The following ZNF292 variants were observed in gnomAD, a reference collection of about 807,000 sequenced individuals.
The protein encoded by ZNF292 is 16 zinc-finger domain protein.
Under a neutral mutation model 217.9 loss-of-function variants are expected in ZNF292, and 26 were observed. The ratio of observed to expected loss-of-function variants is 0.12; its 90% CI spans 0.09 to 0.17. ZNF292 has a LOEUF of 0.17. ZNF292 is among the 10% of genes least tolerant of loss of function. The pLI is 1.00. For missense variants in ZNF292, 2,904 were observed against 3,175.2 expected, an observed-to-expected ratio of 0.91 and a Z score of 2.05; for synonymous variants, 1,257 against 1,124.1, an observed-to-expected ratio of 1.12 and a Z score of -2.37.
intron 1 of ZNF292, among the ~76,000 whole-genome samples, chr6:87,208,879 G>A (rs1174352874): frequency 1.3e-5 from 2 of 152,136 alleles, no homozygotes; most frequent in South Asian, 2.1e-4. Context: ...TGGAAAAAAG[G>A]GGCTTGCTGT....
At position 87,257,701 on chromosome 6, in the gene ZNF292, C is replaced by T. The variant is rs1775308825; in HGVS notation, c.4072C>T (p.Pro1358Ser). The T allele has an allele frequency of 6.2e-7, 1 of 1,612,990 alleles. No individual in the cohort carries two copies. Among genetic ancestry groups the T allele is most frequent in the Non-Finnish European group, 8.5e-7 (1 of 1,179,456 alleles). Residue 1358 changes from proline to serine, a missense_variant, in exon 8 of 8, where the codon CCT becomes TCT. Transcript: ENST00000369577. The stretch of plus-strand genomic sequence containing the variant: ...GGGCCCAAATGGGAAGGAAAGAAAA[C>T]CTAAGCACAACAAAAGGGCTAAATG... Reference protein sequence around the residue: ...GRGPNGKERKPKHNKRAKWPA... With the variant: ...GRGPNGKERKSKHNKRAKWPA...
intron 1 of ZNF292, among the ~76,000 whole-genome samples, chr6:87,206,224 T>C (rs940702153): frequency 6.6e-6 from 1 of 152,202 alleles, no homozygotes; most frequent in Non-Finnish European, 1.5e-5. Flanking sequence ...ACAGGTCACA[T>C]GGTTAGGAAA....
At chr6:87,163,781 G>A (rs1461475238) in intron 1 of ZNF292, among the ~76,000 whole-genome samples, 1 of 152,190 alleles carries the variant, frequency 6.6e-6, no homozygotes, top group Non-Finnish European at 1.5e-5. Flanking sequence ...CCAAAGAGAA[G>A]TGGGAGGGAT....
intron 4 of ZNF292, among the ~76,000 whole-genome samples, chr6:87,227,790 GAAT>G (rs1773431935): frequency 1.3e-5 from 2 of 152,140 alleles, no homozygotes; most frequent in Admixed American, 6.5e-5. Context: ...TTTTAATGCT[GAAT>G]AATATTCCAT....
intron 1 of ZNF292, among the ~76,000 whole-genome samples, chr6:87,183,991 A>G (rs915358969): frequency 2.6e-4 from 40 of 152,242 alleles, no homozygotes; most frequent in African/African-American, 9.6e-4. Context: ...ATGTAAAAAA[A>G]GGACATCTCC....
At chr6:87,199,768 CA>C (rs1399706453) in intron 1 of ZNF292, among the ~76,000 whole-genome samples, 1 of 152,084 alleles carries the variant, frequency 6.6e-6, no homozygotes, top group Non-Finnish European at 1.5e-5. Flanking sequence ...TCTTTTTCAT[CA>C]AAAAGTCACT....
Position 87,264,940 on chromosome 6 carries a change from C to T in ZNF292, c.*3139C>T, listed in dbSNP as rs1435622171. 6.6e-6 allele frequency among the ~76,000 whole-genome samples: 1 copy of T among 151,996 alleles called. No homozygotes were observed. The highest frequency in any genetic ancestry group is 1.5e-5 in the Non-Finnish European group (1 of 67,992). ...TGATGGGAGCCAGAAGAAAGGCTAACGAAGTTGGGGAAGAGACTAATGGAT... is the reference window on the plus strand; with the variant it reads ...TGATGGGAGCCAGAAGAAAGGCTAATGAAGTTGGGGAAGAGACTAATGGAT... On this transcript the variant is annotated 3_prime_UTR_variant, in exon 8 of 8. Coordinates refer to ENST00000369577, the MANE Select transcript of ZNF292 (RefSeq NM_015021.3).
intron 1 of ZNF292, among the ~76,000 whole-genome samples, chr6:87,202,435 G>A (rs781391947): frequency 6.6e-5 from 10 of 152,072 alleles, no homozygotes; most frequent in African/African-American, 9.7e-5. Context: ...AAGTTCTTAC[G>A]TGTGCATTGT....
intron 1 of ZNF292, among the ~76,000 whole-genome samples, chr6:87,193,665 A>G (rs372918741): frequency 6.6e-6 from 1 of 152,202 alleles, no homozygotes. Context: ...CCACACAAGC[A>G]CGCCCTCCGA....
intron 1 of ZNF292, among the ~76,000 whole-genome samples, chr6:87,160,449 G>A (rs895568577): frequency 1.3e-5 from 2 of 151,180 alleles, no homozygotes; most frequent in Non-Finnish European, 2.9e-5. Context: ...AATTACAGTC[G>A]TGTGTGTATG....
chr6:87,214,554 C>T (rs1461517779), intron 1 of ZNF292, among the ~76,000 whole-genome samples: 1 of 152,078 alleles, frequency 6.6e-6, no homozygotes, highest in Non-Finnish European at 1.5e-5. Flanking sequence ...TCCACTTCAA[C>T]TTTACTGAGA....
In ZNF292 at chr6:87,195,143, T is replaced by G. The variant is rs138803474; in HGVS notation, c.169-20760T>G. Among the ~76,000 whole-genome samples, 425 of 152,350 alleles carry G rather than the reference T, an allele frequency of 2.8e-3. 4 individuals carry two copies. Among genetic ancestry groups the G allele is most frequent in the African/African-American group, 8.4e-3 (351 of 41,594 alleles). ...TACAGATAGGCATCCCTGTTAGTAC[T>G]ATTTTTATTTAACATAGTGTTAGTA... On this transcript the variant is annotated intron_variant, in intron 1 of 7. Coordinates refer to ENST00000369577, the MANE Select transcript of ZNF292 (RefSeq NM_015021.3).
chr6:87,176,617 A>G (rs7757330), intron 1 of ZNF292, among the ~76,000 whole-genome samples: 57,199 of 151,934 alleles, frequency 0.38, 11,270 homozygotes, highest in Admixed American at 0.52. Flanking sequence ...TATCACCCTC[A>G]ATGTTTTCTT....
chr6:87,216,194 A>G, intron 2 of ZNF292, 105 bp from the exon 3 acceptor site: 1 of 1,320,232 alleles, frequency 7.6e-7, no homozygotes, highest in Non-Finnish European at 1.0e-6. Context: ...AATTTTAAAT[A>G]GATTAGTTAT....
chr6:87,195,295 T>C (rs1466637153), intron 1 of ZNF292, among the ~76,000 whole-genome samples: 1 of 152,226 alleles, frequency 6.6e-6, no homozygotes, highest in Non-Finnish European at 1.5e-5. Context: ...CAGAAAAGTA[T>C]ATTAGTAGAA....
Position 87,255,476 on chromosome 6 carries a change from C to G in ZNF292, c.1847C>G (p.Thr616Arg), listed in dbSNP as rs1318283125. The change falls in exon 8 of 8, where the codon ACA becomes AGA. Residue 616 changes from threonine to arginine, a missense_variant. Thr to Arg is a moderately conservative substitution (Grantham distance 71). This residue lies in a region of ZNF292 where 216 missense variants were observed against 308.3 expected (regional missense o/e 0.70). Coordinates refer to ENST00000369577, the MANE Select transcript of ZNF292 (RefSeq NM_015021.3). ...LRRLGRPPKI[T>R]TTNENQKTNT... ...AGATTGGGAAGGCCTCCAAAGATCA[C>G]AACTACCAATGAAAATCAGAAGACT... The G allele has an allele frequency of 6.2e-7, 1 of 1,613,486 alleles. No homozygotes were observed. Among genetic ancestry groups the G allele is most frequent in the East Asian group, 2.2e-5 (1 of 44,852 alleles).
chr6:87,166,995 T>C (rs1770938200), intron 1 of ZNF292, among the ~76,000 whole-genome samples: 1 of 152,186 alleles, frequency 6.6e-6, no homozygotes, highest in African/African-American at 2.4e-5. Context: ...TCAAATTAAG[T>C]ATATTTTGCT....
intron 1 of ZNF292, among the ~76,000 whole-genome samples, chr6:87,159,753 ACAGGCGTGAGC>A (rs1279592540): frequency 6.6e-6 from 1 of 152,080 alleles, no homozygotes; most frequent in Non-Finnish European, 1.5e-5. Flanking sequence ...TGCTGGGATT[ACAGGCGTGAGC>A]CACCACGCCC....
chr6:87,157,709 T>TA (rs1770591978), intron 1 of ZNF292, among the ~76,000 whole-genome samples: 1 of 152,106 alleles, frequency 6.6e-6, no homozygotes, highest in African/African-American at 2.4e-5. Context: ...ATTTTTGAGA[T>TA]ATGGAGTCTT....
Sources: gnomAD v4.1 joint callset for allele counts (sites outside exome capture counted in the v4.1 genomes callset) on GRCh38, gnomAD v4.1.1 for gene constraint, gnomAD v4.1.1 regional missense constraint, MANE v1.5 for transcripts, NCBI Gene and HGNC (gene_info 2026-07-23, HGNC 2026-07-21) for gene names.